The following SLC18A1 variants were observed in gnomAD, a reference collection of about 807,000 sequenced individuals.
SLC18A1 encodes solute carrier family 18 member A1, also known as chromaffin granule amine transporter.
In SLC18A1, 69 loss-of-function variants were observed where a neutral mutation model predicts 53.7. The ratio of observed to expected loss-of-function variants is 1.28; its 90% CI spans 1.06 to 1.57. The LOEUF (loss-of-function observed/expected upper bound fraction) is 1.57, where lower values mean the gene tolerates loss of function less well. Ranked by LOEUF, SLC18A1 falls within the 40% of genes most tolerant of loss-of-function variation. SLC18A1 has a pLI of 0.00. For missense variants in SLC18A1, 932 were observed against 668.1 expected, an observed-to-expected ratio of 1.40 and a Z score of -4.35; for synonymous variants, 320 against 248.1, an observed-to-expected ratio of 1.29 and a Z score of -2.72.
chr8:20,171,566 A>T, intron 6 of SLC18A1, 72 bp from the exon 7 acceptor site: 1 of 1,235,156 alleles, frequency 8.1e-7, no homozygotes, highest in East Asian at 2.3e-5. Flanking sequence ...ATCCATATTT[A>T]CCCCGTGAGC....
intron 10 of SLC18A1, among the ~76,000 whole-genome samples, chr8:20,151,871 G>T (rs74755102): frequency 6.6e-6 from 1 of 152,200 alleles, no homozygotes; most frequent in Non-Finnish European, 1.5e-5. Context: ...TGGGAATACA[G>T]CGGTGAATAA....
At chr8:20,180,690 G>A (rs2072402648) in intron 2 of SLC18A1, 151 bp downstream of exon 2, 1 of 923,044 alleles carries the variant, frequency 1.1e-6, no homozygotes, top group South Asian at 1.7e-5. Flanking sequence ...TTTCTGCAGG[G>A]CTTTTTTCCA....
chr8:20,173,845 TGTC>T (rs1384182345), intron 5 of SLC18A1, among the ~76,000 whole-genome samples: 1 of 152,090 alleles, frequency 6.6e-6, no homozygotes, highest in African/African-American at 2.4e-5. Flanking sequence ...GAGGAAGTTA[TGTC>T]AGGCTCAGAG....
intron 13 of SLC18A1, 57 bp from the exon 14 acceptor site, chr8:20,147,779 C>T: frequency 6.3e-7 from 1 of 1,592,198 alleles, no homozygotes; most frequent in Non-Finnish European, 8.6e-7. Context: ...TACCACCCCG[C>T]CTCTCCTCCT....
At position 20,145,660 on chromosome 8, in the gene SLC18A1, G is replaced by T; in HGVS notation, c.*103C>A. 3.2e-6 allele frequency: 2 copies of T among 625,760 alleles called. No individual in the cohort carries two copies. 38.8% of individuals were successfully genotyped at this position (625,760 alleles called of 1,614,324 possible). A position where few individuals can be genotyped will look rare whatever the true frequency, so the allele number is the denominator to read the frequency against. ...GGAGGAAAGAAGATTCCCAGGCAGA[G>T]GTATGTGAAGCCCACTGAGCCGTGG... On this transcript the variant is annotated 3_prime_UTR_variant, in exon 16 of 16. Transcript: ENST00000276373.
At chr8:20,148,910 C>G (rs994049829) in intron 12 of SLC18A1, among the ~76,000 whole-genome samples, 1 of 152,144 alleles carries the variant, frequency 6.6e-6, no homozygotes, top group East Asian at 1.9e-4. Flanking sequence ...CCTGTGGACA[C>G]CATCAGAACC....
intron 10 of SLC18A1, among the ~76,000 whole-genome samples, chr8:20,164,131 A>T (rs1306094192): frequency 6.6e-6 from 1 of 152,148 alleles, no homozygotes; most frequent in African/African-American, 2.4e-5. Context: ...TGTTCTTATC[A>T]GCTTCCCCTC....
At chr8:20,151,143 TTTTGTTTTTTTTTTG>T (rs1376290610) in intron 10 of SLC18A1, 12 of 102,050 alleles carry the variant, frequency 1.2e-4, no homozygotes, top group South Asian at 4.4e-4. Context: ...AGTTGTTTTT[TTTTGTTTTTTTTTTG>T]TTTGTTTGTT....
chr8:20,154,765 C>T (rs957303399), intron 10 of SLC18A1, among the ~76,000 whole-genome samples: 2 of 152,176 alleles, frequency 1.3e-5, no homozygotes, highest in Non-Finnish European at 2.9e-5. Flanking sequence ...TGTTTTCACT[C>T]TATTAGATCT....
chr8:20,172,690 G>A (rs1226609542), intron 6 of SLC18A1, among the ~76,000 whole-genome samples: 1 of 152,066 alleles, frequency 6.6e-6, no homozygotes, highest in Non-Finnish European at 1.5e-5. Flanking sequence ...ATTCCTGGTG[G>A]TGAGGAATAA....
chr8:20,180,108 T>TTCTGTGTG (rs1554541270), intron 2 of SLC18A1, among the ~76,000 whole-genome samples: 4 of 146,078 alleles, frequency 2.7e-5, no homozygotes, highest in Middle Eastern at 3.2e-3. Context: ...AAGATTATAA[T>TTCTGTGTG]TGTGTGTGTG....
intron 6 of SLC18A1, among the ~76,000 whole-genome samples, 163 bp from the exon 7 acceptor site, chr8:20,171,657 T>A (rs1485828733): frequency 2.6e-5 from 4 of 151,928 alleles, no homozygotes; most frequent in Non-Finnish European, 1.5e-5. Flanking sequence ...CCTGTCCCCA[T>A]CAAGCCCACT....
At chr8:20,179,927 G>T (rs1358354060) in intron 2 of SLC18A1, among the ~76,000 whole-genome samples, 1 of 152,178 alleles carries the variant, frequency 6.6e-6, no homozygotes, top group East Asian at 1.9e-4. Flanking sequence ...GGGATGGGAG[G>T]AGGAAGGGCA....
intron 8 of SLC18A1, among the ~76,000 whole-genome samples, chr8:20,166,803 T>C (rs2071978747): frequency 6.6e-6 from 1 of 152,118 alleles, no homozygotes; most frequent in East Asian, 1.9e-4. Flanking sequence ...TAAGGTTAAA[T>C]GAGGTCATAA....
At chr8:20,167,780 C>T (rs1220887240) in intron 8 of SLC18A1, among the ~76,000 whole-genome samples, 1 of 151,928 alleles carries the variant, frequency 6.6e-6, no homozygotes, top group Non-Finnish European at 1.5e-5. Flanking sequence ...ACCGCCACGC[C>T]TGGCTCATTT....
At chr8:20,147,552 C>T in intron 14 of SLC18A1, 51 bp downstream of exon 14, 2 of 1,607,472 alleles carry the variant, frequency 1.2e-6, no homozygotes, top group South Asian at 1.1e-5. Flanking sequence ...GCACTTCCAG[C>T]TGGTAAAGAG....
In SLC18A1 at chr8:20,149,572, TTCTC is replaced by T. The variant is rs71519923; in HGVS notation, c.1146+100_1146+103del. The T allele has an allele frequency of 2.1e-3, 1,811 of 854,124 alleles. 3 individuals carry two copies. The highest frequency in any genetic ancestry group is 2.5e-3 in the Non-Finnish European group (1,383 of 557,096). The allele number at this position is 854,124 out of a possible 1,614,324, so 52.9% of individuals were successfully genotyped here. A position where few individuals can be genotyped will look rare whatever the true frequency, so the allele number is the denominator to read the frequency against. On this transcript the variant is annotated intron_variant, in intron 12 of 15. Coordinates refer to ENST00000276373, the MANE Select transcript of SLC18A1 (RefSeq NM_003053.4). The stretch of plus-strand genomic sequence containing the variant: ...AATTAGTCTTTAAATGTCTGTGTCT[TTCTC>T]TCTCTCTCTCTCCCTCTCTCTCTCT...
At chr8:20,174,293 G>C in intron 5 of SLC18A1, 68 bp downstream of exon 5, 2 of 1,081,756 alleles carry the variant, frequency 1.8e-6, no homozygotes, top group Non-Finnish European at 2.9e-6. Flanking sequence ...TATAGGATCT[G>C]AGGTAGTAAG....
chr8:20,160,651 T>G (rs917528949), intron 10 of SLC18A1, among the ~76,000 whole-genome samples: 1 of 152,198 alleles, frequency 6.6e-6, no homozygotes, highest in Non-Finnish European at 1.5e-5. Flanking sequence ...AAATACCTAC[T>G]TTTTTACAAA....
Sources: allele counts gnomAD v4.1 joint callset (sites outside exome capture counted in the v4.1 genomes callset), GRCh38; gene constraint gnomAD v4.1.1; transcripts MANE v1.5; gene names NCBI Gene and HGNC (gene_info 2026-07-23, HGNC 2026-07-21).